Variants in PTPRD observed in about 807,000 individuals in gnomAD.
PTPRD encodes receptor-type tyrosine-protein phosphatase delta.
In PTPRD, 34 loss-of-function variants were observed where a neutral mutation model predicts 214.5. The observed-to-expected ratio is 0.16, with a 90% CI of 0.12 to 0.21. The LOEUF is 0.21. Among genes scored for constraint, PTPRD ranks in the 10% least tolerant of loss-of-function variants. The probability of loss-of-function intolerance (pLI) is 1.00; values close to 1 mark genes in which losing one functional copy is unlikely to be tolerated. For missense variants in PTPRD, 2,545 were observed against 2,398.7 expected, an observed-to-expected ratio of 1.06 and a Z score of -1.27; for synonymous variants, 1,128 against 845.7, an observed-to-expected ratio of 1.33 and a Z score of -5.79.
intron 11 of PTPRD, among the ~76,000 whole-genome samples, chr9:8,778,404 A>C (rs2095565251): frequency 6.6e-6 from 1 of 152,180 alleles, no homozygotes; most frequent in Admixed American, 6.5e-5. Flanking sequence ...TATTCCTGAC[A>C]GCTCAGCCTC....
intron 3 of PTPRD, among the ~76,000 whole-genome samples, chr9:10,157,405 G>T (rs932303382): frequency 1.3e-5 from 2 of 152,182 alleles, no homozygotes; most frequent in Non-Finnish European, 2.9e-5. Context: ...AGTTTGGCAA[G>T]ACATGAAGTT....
At chr9:8,686,223 T>C (rs1165178062) in intron 12 of PTPRD, among the ~76,000 whole-genome samples, 3 of 152,228 alleles carry the variant, frequency 2.0e-5, no homozygotes, top group South Asian at 2.1e-4. Flanking sequence ...TGTTTTCATA[T>C]TAAAAACTTA....
intron 11 of PTPRD, among the ~76,000 whole-genome samples, chr9:8,779,195 C>A (rs911037253): frequency 6.6e-6 from 1 of 152,148 alleles, no homozygotes; most frequent in South Asian, 2.1e-4. Flanking sequence ...ACAGAGAGAG[C>A]GAGCGAATAA....
chr9:8,700,606 A>C (rs2098055260), intron 12 of PTPRD: 1 of 152,224 alleles, frequency 6.6e-6, no homozygotes, highest in South Asian at 2.1e-4. Flanking sequence ...AAAAACAGGC[A>C]ATTGAATCCA....
intron 4 of PTPRD, among the ~76,000 whole-genome samples, chr9:9,954,342 C>T (rs1418434932): frequency 9.3e-6 from 1 of 107,834 alleles, no homozygotes; most frequent in Non-Finnish European, 1.9e-5. Context: ...GTCCTATAAA[C>T]AGTATTACTA....
intron 9 of PTPRD, among the ~76,000 whole-genome samples, chr9:9,225,228 A>T (rs573223928): frequency 7.2e-5 from 11 of 152,070 alleles, no homozygotes; most frequent in South Asian, 4.1e-4. Context: ...AGAGAAAAAA[A>T]TTTTTTTAAA....
intron 12 of PTPRD, among the ~76,000 whole-genome samples, chr9:8,674,101 T>A (rs569346601): frequency 6.6e-6 from 1 of 152,060 alleles, no homozygotes; most frequent in Non-Finnish European, 1.5e-5. Flanking sequence ...GAAATGGGAA[T>A]AACAAAAAAT....
intron 9 of PTPRD, among the ~76,000 whole-genome samples, chr9:9,277,595 T>G (rs1053130718): frequency 6.6e-6 from 1 of 151,348 alleles, no homozygotes; most frequent in Non-Finnish European, 1.5e-5. Flanking sequence ...ATTATACACA[T>G]CTATCTGTGA....
intron 3 of PTPRD, among the ~76,000 whole-genome samples, chr9:10,196,992 C>G (rs540347309): frequency 1.3e-5 from 2 of 152,238 alleles, no homozygotes; most frequent in Non-Finnish European, 1.5e-5. Context: ...TGCTGGCACG[C>G]TGATCTCAGA....
intron 11 of PTPRD, among the ~76,000 whole-genome samples, chr9:8,884,553 C>T (rs1175599370): frequency 6.6e-6 from 1 of 152,110 alleles, no homozygotes; most frequent in Non-Finnish European, 1.5e-5. Flanking sequence ...AACCAGGGAA[C>T]CAAAAGGCAC....
intron 12 of PTPRD, among the ~76,000 whole-genome samples, chr9:8,685,669 A>C (rs543637179): frequency 6.6e-6 from 1 of 152,144 alleles, no homozygotes; most frequent in African/African-American, 2.4e-5. Context: ...CCAAACTAAC[A>C]CCATAGAGAA....
At chr9:8,999,147 A>C (rs2099408149) in intron 11 of PTPRD, among the ~76,000 whole-genome samples, 1 of 152,128 alleles carries the variant, frequency 6.6e-6, no homozygotes, top group African/African-American at 2.4e-5. Flanking sequence ...AAGCAGTGGC[A>C]GGATTTAAGC....
intron 2 of PTPRD, among the ~76,000 whole-genome samples, chr9:10,593,089 G>C (rs1261414709): frequency 6.6e-6 from 1 of 151,952 alleles, no homozygotes; most frequent in African/African-American, 2.4e-5. Flanking sequence ...CCACCAGAAG[G>C]AACCAAGTCC....
chr9:9,576,840 G>T (rs910171298), intron 7 of PTPRD, among the ~76,000 whole-genome samples: 75 of 152,188 alleles, frequency 4.9e-4, no homozygotes, highest in African/African-American at 1.7e-3. Flanking sequence ...GATTACTCCT[G>T]CAGGCACTGT....
chr9:10,318,614 T>C (rs545006363), intron 3 of PTPRD, among the ~76,000 whole-genome samples: 1 of 152,132 alleles, frequency 6.6e-6, no homozygotes, highest in South Asian at 2.1e-4. Flanking sequence ...TATATTTATT[T>C]ATTTATTTAA....
chr9:9,359,373 G>A (rs1450860143), intron 9 of PTPRD, among the ~76,000 whole-genome samples: 1 of 151,276 alleles, frequency 6.6e-6, no homozygotes, highest in Non-Finnish European at 1.5e-5. Flanking sequence ...TTAATGGTAT[G>A]CATGACTTCA....
At chr9:9,395,802 C>G (rs951766553) in intron 9 of PTPRD, among the ~76,000 whole-genome samples, 14 of 152,008 alleles carry the variant, frequency 9.2e-5, no homozygotes, top group African/African-American at 3.1e-4. Context: ...CATTTTCAAG[C>G]AAAACTCAAG....
intron 12 of PTPRD, among the ~76,000 whole-genome samples, chr9:8,682,213 T>A: frequency 6.6e-6 from 1 of 152,074 alleles, no homozygotes; most frequent in East Asian, 1.9e-4. Context: ...ACAAATAGTG[T>A]TTTTGCACGA....
At chr9:9,108,505 GGACTCTCCAGGTT>G (rs1213700318) in intron 10 of PTPRD, among the ~76,000 whole-genome samples, 1 of 151,996 alleles carries the variant, frequency 6.6e-6, no homozygotes, top group Non-Finnish European at 1.5e-5. Context: ...CAAGGTTGAG[GGACTCTCCAGGTT>G]GACTCTCCTC....
Sources: gnomAD v4.1 joint callset for allele counts (sites outside exome capture counted in the v4.1 genomes callset) on GRCh38, gnomAD v4.1.1 for gene constraint, MANE v1.5 for transcripts, NCBI Gene and HGNC (gene_info 2026-07-23, HGNC 2026-07-21) for gene names.